The following PCDH15 variants were observed in gnomAD, a reference collection of about 807,000 sequenced individuals.
PCDH15 encodes the protein protocadherin-15.
A neutral mutation model predicts 178.5 loss-of-function variants in PCDH15; 129 were observed. The ratio of observed to expected loss-of-function variants is 0.72; its 90% CI spans 0.63 to 0.84. PCDH15 has a LOEUF of 0.84. Among genes scored for constraint, PCDH15 ranks in the 40% least tolerant of loss-of-function variants. The pLI, the probability that PCDH15 is intolerant of heterozygous loss-of-function variation, is 0.00. For missense variants in PCDH15, 2,230 were observed against 2,099.9 expected (o/e 1.06, Z -1.21); for synonymous variants, 800 against 732.0 (o/e 1.09, Z -1.50).
In PCDH15 at chr10:53,821,902, C is replaced by T. The variant is rs200913448; in HGVS notation, c.4368-1672G>A. 1.1e-5 allele frequency: 18 copies of T among 1,613,588 alleles called. No individual in the cohort carries two copies. The highest frequency in any genetic ancestry group is 3.3e-5 in the Admixed American group (2 of 59,972). ...CTGTGAGATTGTTTTTCAGTTCCCT[C>T]GACAATATTGTTCAAACTCCCCTTG... is the stretch of plus-strand genomic sequence containing the variant. On this transcript the variant is annotated intron_variant, in intron 32 of 37. Coordinates refer to ENST00000644397, the MANE Select transcript of PCDH15 (RefSeq NM_001384140.1).
chr10:55,585,528 T>G (rs1842709781), intron 2 of PCDH15, among the ~76,000 whole-genome samples: 1 of 151,932 alleles, frequency 6.6e-6, no homozygotes, highest in African/African-American at 2.4e-5. Flanking sequence ...ACACAAAAAA[T>G]TAGTGGGGCA....
chr10:55,351,149 T>G (rs1048789141), intron 2 of PCDH15, among the ~76,000 whole-genome samples: 2 of 149,828 alleles, frequency 1.3e-5, no homozygotes, highest in Non-Finnish European at 3.0e-5. Context: ...ACCTAAAGAG[T>G]GGCTTTTCTT....
At chr10:54,090,185 A>T in intron 15 of PCDH15, 122 bp from the exon 16 acceptor site, 1 of 784,670 alleles carries the variant, frequency 1.3e-6, no homozygotes, top group Admixed American at 2.1e-5. Context: ...AAGAATAAAG[A>T]TTAAAGCATG....
At chr10:54,369,469 A>G (rs937806435) in intron 4 of PCDH15, among the ~76,000 whole-genome samples, 194 bp from the exon 5 acceptor site, 4 of 152,022 alleles carry the variant, frequency 2.6e-5, no homozygotes, top group East Asian at 1.9e-4. Context: ...TTTGTATCTC[A>G]GCGTGTGGAA....
At chr10:54,462,304 ATATATATAT>A (rs1006537301) in intron 3 of PCDH15, among the ~76,000 whole-genome samples, 3 of 141,374 alleles carry the variant, frequency 2.1e-5, no homozygotes, top group Admixed American at 7.0e-5. Flanking sequence ...ACACACATAT[ATATATATAT>A]AAAATGAAAT....
chr10:54,482,133 TA>T (rs917038933), intron 3 of PCDH15, among the ~76,000 whole-genome samples: 2 of 151,820 alleles, frequency 1.3e-5, no homozygotes, highest in African/African-American at 2.4e-5. Context: ...ATTTTTGAGT[TA>T]AAAAAAGATA....
chr10:55,481,951 T>A (rs1181669628), intron 2 of PCDH15, among the ~76,000 whole-genome samples: 1 of 151,874 alleles, frequency 6.6e-6, no homozygotes, highest in Non-Finnish European at 1.5e-5. Context: ...CCACTATAAT[T>A]GTGTGGTAGT....
intron 2 of PCDH15, among the ~76,000 whole-genome samples, chr10:55,360,580 C>G (rs1170212055): frequency 1.3e-5 from 2 of 151,730 alleles, no homozygotes; most frequent in Non-Finnish European, 2.9e-5. Flanking sequence ...AAGAGAATAC[C>G]CAAATGGATA....
intron 3 of PCDH15, among the ~76,000 whole-genome samples, chr10:54,888,177 C>A (rs1488278053): frequency 6.6e-6 from 1 of 152,092 alleles, no homozygotes; most frequent in African/African-American, 2.4e-5. Context: ...CTCTGTTAAA[C>A]CTTTTCCTTC....
At chr10:55,157,407 G>A (rs1036841781) in intron 2 of PCDH15, among the ~76,000 whole-genome samples, 4 of 147,876 alleles carry the variant, frequency 2.7e-5, no homozygotes, top group African/African-American at 7.6e-5. Context: ...CGATTCCTCA[G>A]GGATCTAGAA....
At chr10:54,200,338 G>A (rs1169122533) in intron 10 of PCDH15, among the ~76,000 whole-genome samples, 3 of 129,222 alleles carry the variant, frequency 2.3e-5, no homozygotes, top group Non-Finnish European at 3.1e-5. Context: ...GGTTTGTTAC[G>A]TACGCATACA....
At chr10:54,572,103 G>A (rs1459881283) in intron 2 of PCDH15, among the ~76,000 whole-genome samples, 11 of 152,074 alleles carry the variant, frequency 7.2e-5, no homozygotes, top group East Asian at 1.9e-4. Flanking sequence ...ATTAGATGAC[G>A]AAATACCGTG....
intron 3 of PCDH15, among the ~76,000 whole-genome samples, chr10:54,504,126 G>A (rs890398856): frequency 6.6e-5 from 10 of 152,100 alleles, no homozygotes; most frequent in African/African-American, 2.2e-4. Flanking sequence ...TTGTAAAAAT[G>A]TACATATTTG....
chr10:54,027,473 T>G (rs188795228), intron 18 of PCDH15, among the ~76,000 whole-genome samples: 7,873 of 150,564 alleles, frequency 0.052, 570 homozygotes, highest in African/African-American at 0.16. Flanking sequence ...AATAGAGCCT[T>G]CATCGCCAAG....
intron 1 of PCDH15, among the ~76,000 whole-genome samples, chr10:54,677,291 G>A (rs1196175092): frequency 6.6e-6 from 1 of 152,128 alleles, no homozygotes; most frequent in Non-Finnish European, 1.5e-5. Flanking sequence ...GATGGGGGAG[G>A]ATGGTTTGAG....
chr10:54,747,087 G>A (rs1054136706), intron 1 of PCDH15, among the ~76,000 whole-genome samples: 1 of 152,204 alleles, frequency 6.6e-6, no homozygotes, highest in Non-Finnish European at 1.5e-5. Context: ...AAGTTCATTA[G>A]AGACTTAATG....
chr10:55,249,365 A>T (rs570886968), intron 1 of PCDH15, among the ~76,000 whole-genome samples: 1 of 152,310 alleles, frequency 6.6e-6, no homozygotes, highest in Non-Finnish European at 1.5e-5. Context: ...ATATGACAGT[A>T]AAAGCACTAG....
intron 2 of PCDH15, among the ~76,000 whole-genome samples, chr10:55,613,892 A>G (rs1363095509): frequency 1.3e-5 from 2 of 152,150 alleles, no homozygotes; most frequent in Non-Finnish European, 2.9e-5. Flanking sequence ...GTGGAACACA[A>G]GGTCAGGAGA....
At chr10:54,856,601 A>G (rs1205956163) in intron 3 of PCDH15, among the ~76,000 whole-genome samples, 1 of 152,112 alleles carries the variant, frequency 6.6e-6, no homozygotes, top group Non-Finnish European at 1.5e-5. Flanking sequence ...TTATGCCCTG[A>G]TATTTACTGA....
Sources: gnomAD v4.1 joint callset for allele counts (sites outside exome capture counted in the v4.1 genomes callset) on GRCh38, gnomAD v4.1.1 for gene constraint, MANE v1.5 for transcripts, NCBI Gene and HGNC (gene_info 2026-07-23, HGNC 2026-07-21) for gene names.